Variants in SLC24A2 observed in about 807,000 individuals in gnomAD.
SLC24A2 encodes sodium/potassium/calcium exchanger 2.
A neutral mutation model predicts 62.0 loss-of-function variants in SLC24A2; 36 were observed. The observed-to-expected ratio is 0.58, with a 90% confidence interval of 0.44 to 0.77. The LOEUF is 0.77. Among genes scored for constraint, SLC24A2 ranks in the 30% least tolerant of loss-of-function variants. The pLI is 0.00. For synonymous variants in SLC24A2, 358 were observed against 294.0 expected, an observed-to-expected ratio of 1.22 and a Z score of -2.23; for missense variants, 846 against 817.9, an observed-to-expected ratio of 1.03 and a Z score of -0.42.
chr9:19,941,517 G>A, the SLC24A2 span, among the ~76,000 whole-genome samples: 2 of 150,766 alleles, frequency 1.3e-5, no homozygotes, highest in African/African-American at 4.9e-5. Flanking sequence ...GCTTTTGAAA[G>A]CCACCAGATT....
chr9:20,089,556 C>A, the SLC24A2 span, among the ~76,000 whole-genome samples: 1 of 152,160 alleles, frequency 6.6e-6, no homozygotes, highest in African/African-American at 2.4e-5. Flanking sequence ...ACCCCCACTC[C>A]CAATCTTCAC....
chr9:19,742,636 T>C (rs1272292358), intron 2 of SLC24A2, among the ~76,000 whole-genome samples: 1 of 152,206 alleles, frequency 6.6e-6, no homozygotes, highest in Non-Finnish European at 1.5e-5. Flanking sequence ...AAAGAGGGAT[T>C]AGACCCTGGT....
At chr9:19,543,325 T>C (rs1220207103) in intron 8 of SLC24A2, among the ~76,000 whole-genome samples, 2 of 152,162 alleles carry the variant, frequency 1.3e-5, no homozygotes, top group African/African-American at 4.8e-5. Context: ...CTCTTTTCTT[T>C]ATTAGTCTGG....
chr9:19,813,217 G>C, the SLC24A2 span, among the ~76,000 whole-genome samples: 1 of 151,630 alleles, frequency 6.6e-6, no homozygotes, highest in South Asian at 2.1e-4. Context: ...GCAAAGCCTG[G>C]AATCTCAATC....
the SLC24A2 span, among the ~76,000 whole-genome samples, chr9:20,119,367 A>G: frequency 6.6e-6 from 1 of 152,180 alleles, no homozygotes; most frequent in African/African-American, 2.4e-5. Context: ...ATAAAATTTG[A>G]GTAAAAATAT....
the SLC24A2 span, among the ~76,000 whole-genome samples, chr9:20,161,506 C>T: frequency 1.3e-5 from 2 of 151,086 alleles, no homozygotes; most frequent in Non-Finnish European, 3.0e-5. Context: ...GATTTTAATA[C>T]CTCATTAAGA....
At chr9:19,661,998 G>C (rs933486223) in intron 2 of SLC24A2, among the ~76,000 whole-genome samples, 1 of 152,138 alleles carries the variant, frequency 6.6e-6, no homozygotes, top group African/African-American at 2.4e-5. Flanking sequence ...GTGCACCTGA[G>C]CCTTACTCAT....
intron 2 of SLC24A2, among the ~76,000 whole-genome samples, chr9:19,702,114 G>C (rs983072358): frequency 1.3e-5 from 2 of 152,046 alleles, no homozygotes; most frequent in Non-Finnish European, 2.9e-5. Flanking sequence ...CCTTTTTTGA[G>C]AGATTTCAGA....
At chr9:19,767,688 A>G (rs1822561631) in intron 2 of SLC24A2, among the ~76,000 whole-genome samples, 1 of 152,158 alleles carries the variant, frequency 6.6e-6, no homozygotes, top group African/African-American at 2.4e-5. Flanking sequence ...GAAATACAGA[A>G]ATCACCTGCC....
intron 5 of SLC24A2, among the ~76,000 whole-genome samples, chr9:19,590,893 A>AAAGT (rs1343932986): frequency 1.3e-5 from 2 of 152,204 alleles, no homozygotes; most frequent in Non-Finnish European, 2.9e-5. Flanking sequence ...CTACTACAAG[A>AAAGT]AAGTAGTAGA....
chr9:20,180,348 T>C, the SLC24A2 span, among the ~76,000 whole-genome samples: 43 of 152,316 alleles, frequency 2.8e-4, no homozygotes, highest in African/African-American at 9.9e-4. Context: ...AATAAATGGA[T>C]GTCTTATTTA....
the SLC24A2 span, among the ~76,000 whole-genome samples, chr9:20,101,070 T>C: frequency 5.9e-5 from 9 of 152,262 alleles, no homozygotes; most frequent in Non-Finnish European, 1.3e-4. Flanking sequence ...CTGGTGATGA[T>C]AATTCCATTA....
chr9:19,801,048 G>C, the SLC24A2 span, among the ~76,000 whole-genome samples: 1 of 152,212 alleles, frequency 6.6e-6, no homozygotes, highest in African/African-American at 2.4e-5. Context: ...GTTACCAGGG[G>C]GTCCTTGCTC....
chr9:19,663,595 G>T (rs1274144220), intron 2 of SLC24A2, among the ~76,000 whole-genome samples: 2 of 152,116 alleles, frequency 1.3e-5, no homozygotes, highest in African/African-American at 2.4e-5. Flanking sequence ...TCCTGCAGGG[G>T]GTCAGGCTGT....
intron 2 of SLC24A2, among the ~76,000 whole-genome samples, chr9:19,702,440 T>C (rs537956958): frequency 7.9e-5 from 12 of 152,206 alleles, no homozygotes; most frequent in African/African-American, 2.9e-4. Flanking sequence ...TCGATACACT[T>C]TGGGGTTCTG....
chr9:19,806,466 G>A, the SLC24A2 span, among the ~76,000 whole-genome samples: 8 of 152,218 alleles, frequency 5.3e-5, no homozygotes, highest in African/African-American at 1.4e-4. Flanking sequence ...TTAAGAAAAC[G>A]TCACCATCTT....
the SLC24A2 span, among the ~76,000 whole-genome samples, chr9:19,881,691 GTTAT>G: frequency 6.6e-6 from 1 of 152,150 alleles, no homozygotes; most frequent in East Asian, 1.9e-4. Context: ...TCTTTTAGTA[GTTAT>G]TTTTCTCATT....
chr9:19,626,958 C>G (rs1463355504), intron 2 of SLC24A2, among the ~76,000 whole-genome samples: 1 of 152,218 alleles, frequency 6.6e-6, no homozygotes, highest in Admixed American at 6.5e-5. Flanking sequence ...AAACTCATCT[C>G]TTTCTCCCTC....
chr9:19,709,807 G>A (rs529993572), intron 2 of SLC24A2, among the ~76,000 whole-genome samples: 21 of 149,772 alleles, frequency 1.4e-4, no homozygotes, highest in Admixed American at 4.7e-4. Flanking sequence ...GCTAAATGAG[G>A]AGTTAATGGG....
Sources: allele counts gnomAD v4.1 joint callset (sites outside exome capture counted in the v4.1 genomes callset), GRCh38; gene constraint gnomAD v4.1.1; transcripts MANE v1.5; gene names NCBI Gene and HGNC (gene_info 2026-07-23, HGNC 2026-07-21).